ANKFN1: variants seen among roughly 807,000 people sequenced by gnomAD.
ANKFN1 encodes ankyrin repeat and fibronectin type III domain containing 1.
In ANKFN1, 74 loss-of-function variants were observed where a neutral mutation model predicts 108.7. The observed-to-expected ratio is 0.68, with a 90% CI of 0.56 to 0.83. The LOEUF is 0.83. Among genes scored for constraint, ANKFN1 ranks in the 40% least tolerant of loss-of-function variants. The pLI is 0.00. For missense variants in ANKFN1, 1,505 were observed against 1,382.3 expected (o/e 1.09, Z -1.41); for synonymous variants, 547 against 516.2 (o/e 1.06, Z -0.81).
At chr17:56,389,984 C>G (rs2047381464) in intron 8 of ANKFN1, among the ~76,000 whole-genome samples, 1 of 151,586 alleles carries the variant, frequency 6.6e-6, no homozygotes, top group African/African-American at 2.4e-5. Context: ...GTTCAGGTGT[C>G]TTTTAAAAGA....
chr17:56,310,555 T>C (rs1247455307), intron 3 of ANKFN1, among the ~76,000 whole-genome samples: 1 of 151,160 alleles, frequency 6.6e-6, no homozygotes, highest in African/African-American at 2.4e-5. Context: ...AGGCGGAGCT[T>C]GCAGTGAGCC....
At chr17:56,071,238 T>C (rs1905118009) in intron 4 of ANKFN1, among the ~76,000 whole-genome samples, 1 of 152,198 alleles carries the variant, frequency 6.6e-6, no homozygotes, top group Non-Finnish European at 1.5e-5. Context: ...TGCACCCATT[T>C]CTGGGCTGAG....
At chr17:56,293,454 G>A (rs147969848) in intron 3 of ANKFN1, among the ~76,000 whole-genome samples, 99 of 152,336 alleles carry the variant, frequency 6.5e-4, no homozygotes, top group Non-Finnish European at 1.3e-3. Context: ...GGCTTCAGAT[G>A]GGTGAGTAAG....
intron 8 of ANKFN1, among the ~76,000 whole-genome samples, chr17:56,399,843 TTATATATATATATA>T (rs71139904): frequency 1.5e-5 from 1 of 64,832 alleles, no homozygotes; most frequent in Non-Finnish European, 5.0e-5. Flanking sequence ...ATTCCATTTT[TTATATATATATATA>T]TATATATATA....
At chr17:56,110,156 G>A (rs72829728) in intron 4 of ANKFN1, among the ~76,000 whole-genome samples, 3 of 152,114 alleles carry the variant, frequency 2.0e-5, no homozygotes, top group Non-Finnish European at 2.9e-5. Flanking sequence ...GCCTGAAAGC[G>A]GTCCAGCCTC....
chr17:56,487,788 G>C (rs775228933), intron 18 of ANKFN1, among the ~76,000 whole-genome samples: 1 of 152,162 alleles, frequency 6.6e-6, no homozygotes, highest in Non-Finnish European at 1.5e-5. Flanking sequence ...TCCTTACAGA[G>C]ATAATACTTG....
intron 3 of ANKFN1, among the ~76,000 whole-genome samples, chr17:56,304,254 G>A (rs1164487857): frequency 6.6e-6 from 1 of 152,048 alleles, no homozygotes; most frequent in Admixed American, 6.6e-5. Flanking sequence ...GAATAATATA[G>A]TATGTAACGT....
At chr17:56,378,384 C>T (rs1024661513) in intron 8 of ANKFN1, among the ~76,000 whole-genome samples, 1 of 152,054 alleles carries the variant, frequency 6.6e-6, no homozygotes. Flanking sequence ...TGGAGAAAAC[C>T]CTGACATCAC....
In ANKFN1 at chr17:56,167,859, C is replaced by T. The variant is rs571186240; in HGVS notation, c.-71+14329C>T. Among the ~76,000 whole-genome samples, 19 of 152,262 alleles carry T rather than the reference C, an allele frequency of 1.2e-4. No homozygotes were observed. In the South Asian group the frequency reaches 3.5e-3, roughly 28 times the overall value. The stretch of plus-strand genomic sequence containing the variant: ...TCACTTAAGCAATTAATGGCCAACA[C>T]AGAAGTGACCTATGTCACTTTTAGT... On this transcript the variant is annotated intron_variant, in intron 1 of 20. Transcript: ENST00000682825.
At chr17:56,100,738 G>A (rs964828479) in intron 4 of ANKFN1, among the ~76,000 whole-genome samples, 8 of 152,132 alleles carry the variant, frequency 5.3e-5, no homozygotes, top group Admixed American at 2.0e-4. Context: ...CCTTAGACCT[G>A]AGCATCCTCA....
At chr17:56,468,943 C>T (rs1009201317) in intron 15 of ANKFN1, among the ~76,000 whole-genome samples, 1 of 152,128 alleles carries the variant, frequency 6.6e-6, no homozygotes, top group Non-Finnish European at 1.5e-5. Flanking sequence ...TGAGCTTTTA[C>T]AGGGTGACTA....
intron 4 of ANKFN1, among the ~76,000 whole-genome samples, chr17:56,052,675 G>T (rs1200723600): frequency 6.6e-6 from 1 of 152,162 alleles, no homozygotes; most frequent in Non-Finnish European, 1.5e-5. Flanking sequence ...CTTAGGGCTT[G>T]CTGTGTGTGT....
intron 4 of ANKFN1, among the ~76,000 whole-genome samples, chr17:56,334,470 C>T (rs757962256): frequency 2.6e-5 from 4 of 152,000 alleles, no homozygotes; most frequent in Non-Finnish European, 5.9e-5. Flanking sequence ...TTAAAACATG[C>T]AGTTTATTTT....
chr17:56,080,734 T>C (rs1014206996), intron 4 of ANKFN1, among the ~76,000 whole-genome samples: 2 of 152,248 alleles, frequency 1.3e-5, no homozygotes, highest in Admixed American at 6.5e-5. Context: ...TTAACTATTA[T>C]GCTCTATTGC....
intron 3 of ANKFN1, among the ~76,000 whole-genome samples, chr17:56,259,909 AACACAC>A (rs34951336): frequency 0.027 from 3,755 of 139,128 alleles, 152 homozygotes; most frequent in African/African-American, 0.093. Flanking sequence ...CCCACCTCCA[AACACAC>A]ACACACACAC....
At chr17:56,342,437 C>T (rs1404803947) in intron 4 of ANKFN1, among the ~76,000 whole-genome samples, 3 of 151,956 alleles carry the variant, frequency 2.0e-5, no homozygotes, top group African/African-American at 7.2e-5. Context: ...GCACTTAGTG[C>T]TGTAAATTTC....
chr17:56,464,696 C>G (rs977858786), intron 14 of ANKFN1, among the ~76,000 whole-genome samples: 1 of 152,126 alleles, frequency 6.6e-6, no homozygotes, highest in East Asian at 1.9e-4. Flanking sequence ...TACATTGCAT[C>G]GAGCTTGAGG....
intron 4 of ANKFN1, among the ~76,000 whole-genome samples, chr17:56,105,601 C>T (rs182685970): frequency 6.6e-6 from 1 of 151,606 alleles, no homozygotes; most frequent in African/African-American, 2.4e-5. Flanking sequence ...TCCATTTATT[C>T]ATTTTTCTCT....
At chr17:56,128,447 A>G (rs1212168864) in intron 4 of ANKFN1, among the ~76,000 whole-genome samples, 2 of 152,206 alleles carry the variant, frequency 1.3e-5, no homozygotes. Context: ...AAAGCCTTCA[A>G]TCTCACTTGG....
Sources: gnomAD v4.1 joint callset for allele counts (sites outside exome capture counted in the v4.1 genomes callset) on GRCh38, gnomAD v4.1.1 for gene constraint, MANE v1.5 for transcripts, NCBI Gene and HGNC (gene_info 2026-07-23, HGNC 2026-07-21) for gene names.